The following ADAMTSL3 variants were observed in gnomAD, a reference collection of about 807,000 sequenced individuals.
ADAMTSL3 encodes ADAMTS-like protein 3.
Under a neutral mutation model 201.7 loss-of-function variants are expected in ADAMTSL3, and 128 were observed. The ratio of observed to expected loss-of-function variants is 0.63; its 90% CI spans 0.55 to 0.73. The LOEUF is 0.73. Among genes scored for constraint, ADAMTSL3 ranks in the 30% least tolerant of loss-of-function variants. The probability of loss-of-function intolerance (pLI) is 0.00; values close to 1 mark genes in which losing one functional copy is unlikely to be tolerated. For synonymous variants in ADAMTSL3, 738 were observed against 748.4 expected (o/e 0.99, Z 0.23); for missense variants, 1,990 against 2,119.6 (o/e 0.94, Z 1.20).
intron 3 of ADAMTSL3, among the ~76,000 whole-genome samples, chr15:83,713,010 T>C (rs1033555880): frequency 7.2e-5 from 11 of 152,192 alleles, no homozygotes; most frequent in African/African-American, 2.4e-4. Context: ...TTCTCTTATC[T>C]CTCTACTTCT....
chr15:83,945,197 A>G (rs945582806), intron 19 of ADAMTSL3, among the ~76,000 whole-genome samples: 2 of 152,068 alleles, frequency 1.3e-5, no homozygotes, highest in Non-Finnish European at 2.9e-5. Flanking sequence ...TCCTCTATCC[A>G]ACTCACAAGC....
chr15:83,823,935 T>TTCC (rs2063945899), intron 6 of ADAMTSL3, among the ~76,000 whole-genome samples: 6 of 123,656 alleles, frequency 4.9e-5, no homozygotes, highest in African/African-American at 2.0e-4. Context: ...CTTCTTCTTC[T>TTCC]TCTTCTTCTT....
intron 3 of ADAMTSL3, among the ~76,000 whole-genome samples, chr15:83,729,347 C>T (rs974184042): frequency 5.3e-5 from 8 of 151,994 alleles, no homozygotes; most frequent in Non-Finnish European, 7.4e-5. Context: ...AATTCCTACC[C>T]TAATCTTTCT....
intron 21 of ADAMTSL3, 26 bp from the exon 22 acceptor site, chr15:83,988,665 G>A (rs768064894): frequency 1.3e-5 from 20 of 1,561,270 alleles, no homozygotes; most frequent in Non-Finnish European, 1.7e-5. Context: ...TTATATGAAT[G>A]TGTCGTCTTT....
chr15:83,824,126 C>T (rs554630989), intron 6 of ADAMTSL3, among the ~76,000 whole-genome samples: 71 of 151,674 alleles, frequency 4.7e-4, no homozygotes, highest in Middle Eastern at 6.8e-3. Context: ...TCATTGCAGA[C>T]TCATCCTCCT....
intron 9 of ADAMTSL3, among the ~76,000 whole-genome samples, chr15:83,884,674 A>G (rs541956823): frequency 6.6e-6 from 1 of 152,294 alleles, no homozygotes; most frequent in Non-Finnish European, 1.5e-5. Context: ...ATTTTTCAGA[A>G]GGATGTGCTT....
intron 2 of ADAMTSL3, among the ~76,000 whole-genome samples, chr15:83,703,255 G>A (rs1189988718): frequency 6.6e-6 from 1 of 152,170 alleles, no homozygotes; most frequent in African/African-American, 2.4e-5. Flanking sequence ...AGGCAGAAGT[G>A]ACTTGCCTTG....
At chr15:83,960,218 T>C (rs1341738646) in intron 19 of ADAMTSL3, among the ~76,000 whole-genome samples, 1 of 152,154 alleles carries the variant, frequency 6.6e-6, no homozygotes, top group Non-Finnish European at 1.5e-5. Context: ...AAAAATTCCA[T>C]TTTCCTCCTT....
chr15:83,756,303 G>T (rs1481103781), intron 3 of ADAMTSL3, among the ~76,000 whole-genome samples: 1 of 152,114 alleles, frequency 6.6e-6, no homozygotes, highest in African/African-American at 2.4e-5. Context: ...AGGTGTAATT[G>T]GCTCACAGTT....
At chr15:83,667,405 G>T (rs1014139431) in intron 2 of ADAMTSL3, among the ~76,000 whole-genome samples, 1 of 151,822 alleles carries the variant, frequency 6.6e-6, no homozygotes, top group African/African-American at 2.4e-5. Flanking sequence ...TAATGGAGGA[G>T]TAACAAAAGT....
At chr15:83,934,706 A>G (rs1360941192) in intron 17 of ADAMTSL3, among the ~76,000 whole-genome samples, 1 of 152,242 alleles carries the variant, frequency 6.6e-6, no homozygotes, top group Non-Finnish European at 1.5e-5. Context: ...AGATAATTGA[A>G]TGCAGTAATG....
At chr15:83,781,517 C>T (rs1024667315) in intron 4 of ADAMTSL3, among the ~76,000 whole-genome samples, 3 of 151,768 alleles carry the variant, frequency 2.0e-5, no homozygotes, top group Non-Finnish European at 4.4e-5. Flanking sequence ...CCCTGGAAGA[C>T]GATACCATTA....
At chr15:83,720,124 C>T (rs2062077933) in intron 3 of ADAMTSL3, among the ~76,000 whole-genome samples, 1 of 152,112 alleles carries the variant, frequency 6.6e-6, no homozygotes, top group Non-Finnish European at 1.5e-5. Context: ...GAGGCTTAGG[C>T]AGGAGAATCA....
intron 19 of ADAMTSL3, among the ~76,000 whole-genome samples, chr15:83,953,728 A>G (rs2066799112): frequency 6.6e-6 from 1 of 152,162 alleles, no homozygotes; most frequent in South Asian, 2.1e-4. Flanking sequence ...GTCTGGTGTT[A>G]ATAAAATCCC....
rs71395424 is a variant in ADAMTSL3 at position 83,895,289 on chromosome 15, T to C, written c.1467+2401T>C. Among the ~76,000 whole-genome samples, 222 of 152,304 alleles carry C rather than the reference T, an allele frequency of 1.5e-3. 1 individual carries two copies. The highest frequency in any genetic ancestry group is 2.5e-3 in the Non-Finnish European group (173 of 68,014). ...GCAAAAGGATTTGTTATCGAGACAT[T>C]AGGGACTTTCACTTTTTCAGCCCCC... On this transcript the variant is annotated intron_variant, in intron 13 of 29. Transcript: ENST00000286744.
At chr15:84,001,841 G>A (rs1361818251) in intron 23 of ADAMTSL3, among the ~76,000 whole-genome samples, 1 of 152,198 alleles carries the variant, frequency 6.6e-6, no homozygotes, top group African/African-American at 2.4e-5. Flanking sequence ...GGCCCATTGT[G>A]CTCAACCAGG....
At chr15:83,772,952 G>C (rs1190570057) in intron 3 of ADAMTSL3, among the ~76,000 whole-genome samples, 1 of 152,052 alleles carries the variant, frequency 6.6e-6, no homozygotes, top group Non-Finnish European at 1.5e-5. Context: ...TAATATAATT[G>C]ATATTTAGCC....
At position 83,978,949 on chromosome 15, in the gene ADAMTSL3, C is replaced by T. The variant is rs2141797982; in HGVS notation, c.2645-3324C>T. Among the ~76,000 whole-genome samples, 3 of 152,360 alleles carry T rather than the reference C, an allele frequency of 2.0e-5. 1 individual carries two copies. In the South Asian group the frequency reaches 6.2e-4, roughly 32 times the overall value. On this transcript the variant is annotated intron_variant, in intron 20 of 29. Transcript: ENST00000286744. ...CCACCACCTGAGGCTTCATGGCCTC[C>T]CTTAGAAGGAGTCAGAATCCCATCA...
intron 21 of ADAMTSL3, among the ~76,000 whole-genome samples, chr15:83,986,098 A>G (rs987243478): frequency 6.6e-6 from 1 of 152,172 alleles, no homozygotes; most frequent in Non-Finnish European, 1.5e-5. Context: ...GCAAAGGTCA[A>G]TACCGTTTTT....
Sources: gnomAD v4.1 joint callset for allele counts (sites outside exome capture counted in the v4.1 genomes callset) on GRCh38, gnomAD v4.1.1 for gene constraint, MANE v1.5 for transcripts, NCBI Gene and HGNC (gene_info 2026-07-23, HGNC 2026-07-21) for gene names.